CTDSPL: variants seen among roughly 807,000 people sequenced by gnomAD.
CTDSPL encodes CTD small phosphatase-like protein.
In CTDSPL, 8 loss-of-function variants were observed where a neutral mutation model predicts 30.5. That is an observed-to-expected ratio of 0.26 (90% CI 0.15 to 0.47). CTDSPL has a LOEUF of 0.47. CTDSPL is among the 20% of genes least tolerant of loss of function. The pLI is 0.99. For missense variants in CTDSPL, 248 were observed against 366.1 expected, an observed-to-expected ratio of 0.68 and a Z score of 2.63; for synonymous variants, 110 against 137.9, an observed-to-expected ratio of 0.80 and a Z score of 1.42.
At chr3:37,891,828 A>G (rs1004388264) in intron 1 of CTDSPL, among the ~76,000 whole-genome samples, 3 of 152,198 alleles carry the variant, frequency 2.0e-5, no homozygotes, top group African/African-American at 7.2e-5. Flanking sequence ...GAGAATAAGG[A>G]TGGTGTACGT....
At chr3:37,956,154 G>A (rs1048979248) in intron 2 of CTDSPL, among the ~76,000 whole-genome samples, 2 of 152,208 alleles carry the variant, frequency 1.3e-5, no homozygotes, top group Admixed American at 1.3e-4. Flanking sequence ...ATGACTAGGG[G>A]TTGGAGATAA....
At position 37,862,120 on chromosome 3, in the gene CTDSPL, CCCGCGCCCCCCGCG is replaced by C; in HGVS notation, c.-69_-56del. ...TGCGAGCGCCCCCCCGCGCCGCGCC[CCCGCGCCCCCCGCG>C]CCGCGCCCCCGCGCGCTTGGCTTGC... On this transcript the variant is annotated 5_prime_UTR_variant, in exon 1 of 8. Transcript: ENST00000273179. This position sits in a 1 kb window ranked among gnomAD's most constrained non-coding sequence, Gnocchi z 4.3. 4 of 588,578 alleles carry C rather than the reference CCCGCGCCCCCCGCG, an allele frequency of 6.8e-6. No individual in the cohort carries two copies. The highest frequency in any genetic ancestry group is 8.5e-6 in the Non-Finnish European group (4 of 473,176). The allele number at this position is 588,578 out of a possible 1,614,324, so 36.5% of individuals were successfully genotyped here.
intron 1 of CTDSPL, among the ~76,000 whole-genome samples, chr3:37,887,908 G>C (rs1698280895): frequency 6.6e-6 from 1 of 152,200 alleles, no homozygotes; most frequent in Non-Finnish European, 1.5e-5. Flanking sequence ...CCAGCAATAA[G>C]GTCAAGCCTT....
intron 1 of CTDSPL, among the ~76,000 whole-genome samples, chr3:37,933,022 G>T (rs1458242561): frequency 6.6e-6 from 1 of 151,894 alleles, no homozygotes; most frequent in East Asian, 1.9e-4. Flanking sequence ...GCATGGTGGT[G>T]GGCACGTGTA....
At chr3:37,974,235 C>T (rs1699400447) in intron 6 of CTDSPL, among the ~76,000 whole-genome samples, 1 of 152,220 alleles carries the variant, frequency 6.6e-6, no homozygotes, top group African/African-American at 2.4e-5. Flanking sequence ...GTGCCCTGAG[C>T]TCTCACCTCC....
chr3:37,912,513 T>C (rs1698595274), intron 1 of CTDSPL, among the ~76,000 whole-genome samples: 1 of 152,020 alleles, frequency 6.6e-6, no homozygotes, highest in South Asian at 2.1e-4. Context: ...GTATTCAGGA[T>C]GGGAAAGAAG....
chr3:37,983,873 G>A lies in CTDSPL; in HGVS notation c.*3006G>A, dbSNP rs756469981. On this transcript the variant is annotated 3_prime_UTR_variant, in exon 8 of 8. Coordinates refer to ENST00000273179, the MANE Select transcript of CTDSPL (RefSeq NM_001008392.2). ...GATGGTGAGGAAGCTCCTTTGACGT[G>A]GTGCAATTTTGATGAGATGTCTCTG... 1 of 175,998 alleles carries A rather than the reference G, an allele frequency of 5.7e-6. No homozygotes were observed. The highest frequency in any genetic ancestry group is 1.3e-4 in the South Asian group (1 of 7,662). 10.9% of individuals were successfully genotyped at this position (175,998 alleles called of 1,614,324 possible). A position where few individuals can be genotyped will look rare whatever the true frequency, so the allele number is the denominator to read the frequency against.
chr3:37,900,868 G>C (rs550814938), intron 1 of CTDSPL, among the ~76,000 whole-genome samples: 1 of 152,086 alleles, frequency 6.6e-6, no homozygotes, highest in African/African-American at 2.4e-5. Flanking sequence ...GCACAATCTC[G>C]GCTTACTGCA....
chr3:37,886,394 A>T (rs546568393), intron 1 of CTDSPL, among the ~76,000 whole-genome samples: 3 of 152,218 alleles, frequency 2.0e-5, no homozygotes, highest in South Asian at 4.2e-4. Context: ...GCCCTATCAC[A>T]ATGACCAGTC....
intron 1 of CTDSPL, among the ~76,000 whole-genome samples, chr3:37,890,276 G>A (rs1698310216): frequency 6.6e-6 from 1 of 152,188 alleles, no homozygotes; most frequent in Non-Finnish European, 1.5e-5. Flanking sequence ...ATGAAATAAA[G>A]AGGGAATGTT....
chr3:37,976,630 CA>C (rs1195626616), intron 7 of CTDSPL, among the ~76,000 whole-genome samples: 2,484 of 88,970 alleles, frequency 0.028, 24 homozygotes, highest in African/African-American at 0.046. Context: ...GACTCCGTCT[CA>C]AAAAAAAAAA....
chr3:37,880,527 G>A (rs1698191529), intron 1 of CTDSPL, among the ~76,000 whole-genome samples: 1 of 150,590 alleles, frequency 6.6e-6, no homozygotes, highest in African/African-American at 2.4e-5. Flanking sequence ...ACGTTATTTT[G>A]TTGTTTATAG....
intron 1 of CTDSPL, among the ~76,000 whole-genome samples, chr3:37,900,271 G>A (rs559475020): frequency 6.6e-6 from 1 of 152,256 alleles, no homozygotes; most frequent in African/African-American, 2.4e-5. Context: ...AAATTGTTTG[G>A]CCGGACATAA....
chr3:37,927,634 ATATGTGTGTG>A (rs1448441071), intron 1 of CTDSPL, among the ~76,000 whole-genome samples: 40 of 78,418 alleles, frequency 5.1e-4, no homozygotes, highest in African/African-American at 1.3e-3. Context: ...AAAGAAAAAT[ATATGTGTGTG>A]TGTGTGTGTG....
rs537373550 is a variant in CTDSPL at position 37,953,698 on chromosome 3, G to A, written c.235-3413G>A. The stretch of plus-strand genomic sequence containing the variant: ...AATTAGGGGCACTTTATGACAAATG[G>A]TCTAATACATGAACTGTATAGTAGC... On this transcript the variant is annotated intron_variant, in intron 2 of 7. Coordinates refer to ENST00000273179, the MANE Select transcript of CTDSPL (RefSeq NM_001008392.2). 1.1e-4 allele frequency among the ~76,000 whole-genome samples: 16 copies of A among 152,262 alleles called. No homozygotes were observed. The South Asian group carries it at 1.2e-3, about 12-fold the overall frequency.
rs376634480 is a variant in CTDSPL, at chr3:37,872,197, A to G, written c.79+9919A>G. Among the ~76,000 whole-genome samples the G allele has an allele frequency of 1.2e-4, 18 of 152,164 alleles. No homozygotes were observed. The South Asian group carries it at 2.7e-3, about 23-fold the overall frequency. ...TTTTTGTAGAGTCGGGGGTCAGCCTATGTTACCCAGGCTTTAAACATGCTC... is the reference window on the plus strand; with the variant it reads ...TTTTTGTAGAGTCGGGGGTCAGCCTGTGTTACCCAGGCTTTAAACATGCTC... On this transcript the variant is annotated intron_variant, in intron 1 of 7. Coordinates refer to ENST00000273179, the MANE Select transcript of CTDSPL (RefSeq NM_001008392.2).
At chr3:37,880,000 GAATA>G (rs1698183910) in intron 1 of CTDSPL, among the ~76,000 whole-genome samples, 1 of 151,446 alleles carries the variant, frequency 6.6e-6, no homozygotes, top group Non-Finnish European at 1.5e-5. Flanking sequence ...ATGCATGTGT[GAATA>G]AGACCTTGCC....
At chr3:37,969,384 C>T in intron 5 of CTDSPL, 1 of 523,342 alleles carries the variant, frequency 1.9e-6, no homozygotes, top group Middle Eastern at 3.2e-4. Flanking sequence ...AGCAGGAGGA[C>T]CAAGGCCCTG....
At chr3:37,961,312 C>T (rs567656064) in intron 3 of CTDSPL, among the ~76,000 whole-genome samples, 1 of 152,198 alleles carries the variant, frequency 6.6e-6, no homozygotes, top group East Asian at 1.9e-4. Flanking sequence ...TGGTGAACGT[C>T]GGGTATTGAA....
Sources: gnomAD v4.1 joint callset for allele counts (sites outside exome capture counted in the v4.1 genomes callset) on GRCh38, gnomAD v4.1.1 for gene constraint, Gnocchi (gnomAD v3.1) non-coding constraint, MANE v1.5 for transcripts, NCBI Gene and HGNC (gene_info 2026-07-23, HGNC 2026-07-21) for gene names.